LEMD1: variants seen among roughly 807,000 people sequenced by gnomAD.
LEMD1 encodes LEM domain-containing protein 1.
Under a neutral mutation model 17.4 loss-of-function variants are expected in LEMD1, and 18 were observed. The ratio of observed to expected loss-of-function variants is 1.04; its 90% CI spans 0.72 to 1.54. The LOEUF is 1.54. LEMD1 is among the 40% of genes most tolerant of loss of function. The probability of loss-of-function intolerance (pLI) is 0.00; values close to 1 mark genes in which losing one functional copy is unlikely to be tolerated. For synonymous variants in LEMD1, 88 were observed against 77.8 expected (o/e 1.13, Z -0.69); for missense variants, 195 against 210.4 (o/e 0.93, Z 0.45).
chr1:205,395,977 G>A (rs1029659796), intron 4 of LEMD1, among the ~76,000 whole-genome samples: 6 of 151,688 alleles, frequency 4.0e-5, no homozygotes, highest in Non-Finnish European at 5.9e-5. Flanking sequence ...ATCTAGCAAC[G>A]CTAAATTCTG....
chr1:205,410,219 G>T (rs1665325028), intron 4 of LEMD1, among the ~76,000 whole-genome samples: 1 of 152,122 alleles, frequency 6.6e-6, no homozygotes, highest in African/African-American at 2.4e-5. Context: ...ACCACACCTG[G>T]CAGAATCCAT....
At chr1:205,389,165 C>G (rs1343611239) in intron 4 of LEMD1, among the ~76,000 whole-genome samples, 1 of 149,982 alleles carries the variant, frequency 6.7e-6, no homozygotes, top group African/African-American at 2.4e-5. Context: ...TCTCCTGCCT[C>G]AGCCTCCCGA....
At chr1:205,427,378 T>C (rs1666071020) in intron 1 of LEMD1, among the ~76,000 whole-genome samples, 1 of 151,956 alleles carries the variant, frequency 6.6e-6, no homozygotes, top group Non-Finnish European at 1.5e-5. Context: ...TCTCCCCATC[T>C]CATTTGATAT....
chr1:205,416,278 T>C lies in LEMD1; in HGVS notation c.224A>G (p.Gln75Arg). 1.3e-6 allele frequency: 2 copies of C among 1,548,608 alleles called. No individual in the cohort carries two copies. Among genetic ancestry groups the C allele is most frequent in the Non-Finnish European group, 1.7e-6 (2 of 1,145,534 alleles). Residue 75 changes from glutamine to arginine, a missense_variant, in exon 4 of 6, where the codon CAA becomes CGA. Transcript: ENST00000367153. The stretch of plus-strand genomic sequence containing the variant: ...TTCTGTTGAGAGTATGATATTTCCT[T>C]GCAAAATGATATTAAGCTCTGGATC... ...DDSEELNIIL[Q>R]GNIILSTEKS... is the part of the protein sequence containing the mutation.
At chr1:205,418,059 G>A (rs1250386860) in intron 3 of LEMD1, among the ~76,000 whole-genome samples, 1 of 152,056 alleles carries the variant, frequency 6.6e-6, no homozygotes, top group African/African-American at 2.4e-5. Context: ...GTCCCGCTCT[G>A]CATGGCCCGT....
chr1:205,381,884 T>C (rs1441233383), intron 5 of LEMD1, 28 bp from the exon 6 acceptor site: 52 of 1,612,220 alleles, frequency 3.2e-5, no homozygotes, highest in Non-Finnish European at 4.3e-5. Flanking sequence ...GCTCTTAGGA[T>C]TGTGGACAGC....
In LEMD1 at chr1:205,382,823, G is replaced by A. The variant is rs74141207; in HGVS notation, c.348-967C>T. Among the ~76,000 whole-genome samples the A allele has an allele frequency of 2.3e-3, 352 of 152,232 alleles. 1 individual carries two copies. The highest frequency in any genetic ancestry group is 7.3e-3 in the African/African-American group (304 of 41,538). On this transcript the variant is annotated intron_variant, in intron 5 of 5. Coordinates refer to ENST00000367153, the MANE Select transcript of LEMD1 (RefSeq NM_001199050.2). ...ACCTTTCAGGGTGGAGAGGAAAAGC[G>A]CCTTTGCAATCTGCTTATTTTGCAC...
chr1:205,417,423 T>C (rs1169803404), intron 3 of LEMD1, among the ~76,000 whole-genome samples: 1 of 152,202 alleles, frequency 6.6e-6, no homozygotes, highest in Non-Finnish European at 1.5e-5. Flanking sequence ...CCCGAAGTCC[T>C]GGGAAGTCGT....
chr1:205,400,893 G>A (rs1298208019), intron 4 of LEMD1, among the ~76,000 whole-genome samples: 2 of 126,354 alleles, frequency 1.6e-5, no homozygotes, highest in African/African-American at 6.1e-5. Flanking sequence ...TCCCCTTCCT[G>A]TGTCCATGTG....
At chr1:205,394,700 T>G (rs1664506022) in intron 4 of LEMD1, among the ~76,000 whole-genome samples, 2 of 152,096 alleles carry the variant, frequency 1.3e-5, no homozygotes. Flanking sequence ...ATTTATTTAT[T>G]TTATTTTGAG....
chr1:205,427,593 G>A (rs1215321417), intron 1 of LEMD1, among the ~76,000 whole-genome samples: 6 of 152,076 alleles, frequency 3.9e-5, no homozygotes, highest in Non-Finnish European at 2.9e-5. Context: ...TCATGAAATA[G>A]GAGACCACAC....
chr1:205,432,556 G>A (rs890456389), intron 1 of LEMD1, among the ~76,000 whole-genome samples: 4 of 152,240 alleles, frequency 2.6e-5, no homozygotes, highest in African/African-American at 9.6e-5. Context: ...GTCAGACTTT[G>A]GAGAGGAGAG....
At chr1:205,395,746 AAGATTGG>A (rs1664564173) in intron 4 of LEMD1, among the ~76,000 whole-genome samples, 2 of 152,188 alleles carry the variant, frequency 1.3e-5, no homozygotes, top group Non-Finnish European at 1.5e-5. Flanking sequence ...TAGCTAGCAA[AAGATTGG>A]TAACCACAAT....
At chr1:205,405,745 G>C (rs1293360576) in intron 4 of LEMD1, among the ~76,000 whole-genome samples, 1 of 151,540 alleles carries the variant, frequency 6.6e-6, no homozygotes, top group Non-Finnish European at 1.5e-5. Flanking sequence ...TTGTTGGTGA[G>C]GAACTGCGTT....
At chr1:205,395,863 A>C (rs1664569397) in intron 4 of LEMD1, among the ~76,000 whole-genome samples, 2 of 152,334 alleles carry the variant, frequency 1.3e-5, no homozygotes, top group Admixed American at 1.3e-4. Context: ...GAAAACACAA[A>C]TGACCAATAA....
intron 4 of LEMD1, among the ~76,000 whole-genome samples, chr1:205,392,113 GAAAAACA>G (rs1478228885): frequency 5.3e-5 from 8 of 151,196 alleles, no homozygotes; most frequent in Non-Finnish European, 1.0e-4. Context: ...TCTGTCTCAA[GAAAAACA>G]AAAAACAAAA....
chr1:205,413,552 T>G (rs1314395123), intron 4 of LEMD1, among the ~76,000 whole-genome samples: 10 of 149,104 alleles, frequency 6.7e-5, no homozygotes, highest in Non-Finnish European at 1.5e-4. Flanking sequence ...GCCTCCTGAA[T>G]AGCTGGGATG....
chr1:205,438,266 A>C (rs991835043), intron 1 of LEMD1, among the ~76,000 whole-genome samples: 2 of 152,112 alleles, frequency 1.3e-5, no homozygotes, highest in African/African-American at 4.8e-5. Context: ...AAGAGGCCTG[A>C]TCTCCTCCAC....
At chr1:205,388,583 G>T (rs1057476221) in intron 4 of LEMD1, among the ~76,000 whole-genome samples, 4 of 152,140 alleles carry the variant, frequency 2.6e-5, no homozygotes, top group African/African-American at 9.7e-5. Context: ...TGAGTTATTT[G>T]CCCTAGACAA....
Sources: gnomAD v4.1 joint callset for allele counts (sites outside exome capture counted in the v4.1 genomes callset) on GRCh38, gnomAD v4.1.1 for gene constraint, MANE v1.5 for transcripts, NCBI Gene and HGNC (gene_info 2026-07-23, HGNC 2026-07-21) for gene names.